Variants in CDH13 observed in about 807,000 individuals in gnomAD.
CDH13 encodes the protein cadherin 13.
CDH13 carries 24 observed loss-of-function variants against 63.8 expected under a neutral mutation model. That is an observed-to-expected ratio of 0.38 (90% CI 0.27 to 0.53). The LOEUF (loss-of-function observed/expected upper bound fraction) is 0.53. Among genes scored for constraint, CDH13 ranks in the 20% least tolerant of loss-of-function variants. The pLI, the probability that CDH13 is intolerant of heterozygous loss-of-function variation, is 0.85. For missense variants in CDH13, 1,049 were observed against 903.1 expected (o/e 1.16, Z -2.07); for synonymous variants, 503 against 355.3 (o/e 1.42, Z -4.67).
chr16:83,661,632 G>A (rs1208018435), intron 8 of CDH13, among the ~76,000 whole-genome samples: 7 of 152,222 alleles, frequency 4.6e-5, no homozygotes, highest in African/African-American at 9.6e-5. Context: ...CCTCTTCTCC[G>A]TGAAAATGCA....
Position 83,014,594 on chromosome 16 carries a change from G to A in CDH13, c.158-17416G>A, listed in dbSNP as rs546701568. Among the ~76,000 whole-genome samples the A allele has an allele frequency of 4.6e-5, 7 of 150,540 alleles. No individual in the cohort carries two copies. In the East Asian group the frequency reaches 1.2e-3, roughly 25 times the overall value. On this transcript the variant is annotated intron_variant, in intron 2 of 13. Coordinates refer to ENST00000567109, the MANE Select transcript of CDH13 (RefSeq NM_001257.5). Reference sequence around the variant, plus strand: ...ACTAAAAATAAAAAATTAGCCGAGTGGTGGCCCATGCCTGTAATTCTAGCT... The same window carrying A: ...ACTAAAAATAAAAAATTAGCCGAGTAGTGGCCCATGCCTGTAATTCTAGCT...
At chr16:83,332,313 T>C (rs2090497745) in intron 5 of CDH13, among the ~76,000 whole-genome samples, 1 of 152,136 alleles carries the variant, frequency 6.6e-6, no homozygotes, top group Non-Finnish European at 1.5e-5. Flanking sequence ...ACTTAAATAT[T>C]CAATGACTTT....
chr16:83,413,278 C>T (rs976752818), intron 6 of CDH13, among the ~76,000 whole-genome samples: 2 of 152,182 alleles, frequency 1.3e-5, no homozygotes, highest in Non-Finnish European at 2.9e-5. Flanking sequence ...CATAAAATAG[C>T]TTCAAATCTC....
chr16:83,109,553 C>A (rs57154009), intron 3 of CDH13, among the ~76,000 whole-genome samples: 1 of 152,000 alleles, frequency 6.6e-6, no homozygotes, highest in African/African-American at 2.4e-5. Context: ...TTTCCAAGTG[C>A]GGGTTTTCTA....
intron 11 of CDH13, among the ~76,000 whole-genome samples, chr16:83,762,832 C>T (rs1414751047): frequency 1.3e-5 from 2 of 152,150 alleles, no homozygotes; most frequent in African/African-American, 4.8e-5. Context: ...GGCTCTTATG[C>T]TCTCACAGAA....
chr16:82,968,306 C>G, intron 2 of CDH13, among the ~76,000 whole-genome samples: 1 of 152,196 alleles, frequency 6.6e-6, no homozygotes, highest in East Asian at 1.9e-4. Flanking sequence ...CACCTTCCAC[C>G]TTCATGTCCT....
In CDH13 at chr16:82,837,962, TCG is replaced by T. The variant is rs1417922864; in HGVS notation, c.46-20399_46-20398del. On this transcript the variant is annotated intron_variant, in intron 1 of 13. Coordinates refer to ENST00000567109, the MANE Select transcript of CDH13 (RefSeq NM_001257.5). ...CCAACATTGCAGTCTGCAATCTGCTTCGTAACTCTTTTCTGCCCAGGACTAGA... is the reference window on the plus strand; with the variant it reads ...CCAACATTGCAGTCTGCAATCTGCTTTAACTCTTTTCTGCCCAGGACTAGA... Among the ~76,000 whole-genome samples the T allele has an allele frequency of 3.3e-5, 5 of 152,308 alleles. No homozygotes were observed. The East Asian group carries it at 9.7e-4, about 29-fold the overall frequency.
At chr16:82,904,256 G>C (rs1288975932) in intron 2 of CDH13, among the ~76,000 whole-genome samples, 1 of 152,102 alleles carries the variant, frequency 6.6e-6, no homozygotes, top group Non-Finnish European at 1.5e-5. Context: ...TAACCGATAT[G>C]CCTCAGGTCT....
chr16:82,627,809 G>T (rs1907522805), intron 1 of CDH13, among the ~76,000 whole-genome samples: 1 of 152,190 alleles, frequency 6.6e-6, no homozygotes, highest in Non-Finnish European at 1.5e-5. Flanking sequence ...CGTGTCCCCC[G>T]CCAGGGCGCA....
chr16:83,091,421 C>G (rs2033903441), intron 3 of CDH13, among the ~76,000 whole-genome samples: 1 of 152,208 alleles, frequency 6.6e-6, no homozygotes, highest in East Asian at 1.9e-4. Flanking sequence ...TGTTGCCATT[C>G]TCTATGAAAA....
chr16:83,036,154 T>A lies in CDH13; in HGVS notation c.366+3936T>A, dbSNP rs1195319465. On this transcript the variant is annotated intron_variant, in intron 3 of 13. Transcript: ENST00000567109. ...TCTGGAGCTCTCCTCTTTTTTTTTT[T>A]TTTTTTTTTTTTGAGATAGGGTCTC... 2.7e-5 allele frequency among the ~76,000 whole-genome samples: 4 copies of A among 148,630 alleles called. No homozygotes were observed. In the East Asian group the frequency reaches 7.9e-4, roughly 29 times the overall value.
chr16:83,545,779 TC>T lies in CDH13; in HGVS notation c.961-56673del, dbSNP rs1248541306. 2.0e-5 allele frequency among the ~76,000 whole-genome samples: 3 copies of T among 152,154 alleles called. No individual in the cohort carries two copies. In the East Asian group the frequency reaches 5.8e-4, roughly 29 times the overall value. On this transcript the variant is annotated intron_variant, in intron 7 of 13. Transcript: ENST00000567109. The stretch of plus-strand genomic sequence containing the variant: ...CCCACCCTTTATCTGCCAGGCTAAG[TC>T]CAACTCCTACTTCAAGACCGCATTC...
At chr16:83,508,147 G>GAGGGT (rs1408523174) in intron 7 of CDH13, among the ~76,000 whole-genome samples, 1 of 124,656 alleles carries the variant, frequency 8.0e-6, no homozygotes, top group African/African-American at 3.0e-5. Flanking sequence ...AAGGGGAGGG[G>GAGGGT]AGGGGAGGCG....
chr16:83,330,091 A>G (rs1458253422), intron 5 of CDH13, among the ~76,000 whole-genome samples: 1 of 152,248 alleles, frequency 6.6e-6, no homozygotes, highest in Non-Finnish European at 1.5e-5. Flanking sequence ...CTTCAAATAG[A>G]AGAGATTCTT....
At chr16:83,432,888 G>A (rs1014422489) in intron 6 of CDH13, among the ~76,000 whole-genome samples, 2 of 152,188 alleles carry the variant, frequency 1.3e-5, no homozygotes, top group Non-Finnish European at 2.9e-5. Context: ...AACTTGCATG[G>A]TCCTGTTTGA....
intron 4 of CDH13, among the ~76,000 whole-genome samples, chr16:83,150,117 A>G (rs2036912077): frequency 6.6e-6 from 1 of 152,108 alleles, no homozygotes; most frequent in South Asian, 2.1e-4. Context: ...TGTTTACTTC[A>G]CCCTGAGTCA....
intron 1 of CDH13, among the ~76,000 whole-genome samples, chr16:82,674,727 T>C (rs1913697923): frequency 6.6e-6 from 1 of 152,178 alleles, no homozygotes; most frequent in Admixed American, 6.5e-5. Context: ...ACTTTGTGGA[T>C]GTTTGAGGTG....
At position 82,664,019 on chromosome 16, in the gene CDH13, C is replaced by A. The variant is rs1049486229; in HGVS notation, c.45+36882C>A. Among the ~76,000 whole-genome samples, 8 of 152,294 alleles carry A rather than the reference C, an allele frequency of 5.3e-5. 1 individual carries two copies. The South Asian group carries it at 1.7e-3, about 32-fold the overall frequency. The stretch of plus-strand genomic sequence containing the variant: ...CCACTTCTGCCTTTGTAGCTGTGGA[C>A]CACGAGGCAGTGACTTTGAAATTCA... On this transcript the variant is annotated intron_variant, in intron 1 of 13. Coordinates refer to ENST00000567109, the MANE Select transcript of CDH13 (RefSeq NM_001257.5).
chr16:83,450,409 G>T (rs940907806), intron 6 of CDH13, among the ~76,000 whole-genome samples: 1 of 152,228 alleles, frequency 6.6e-6, no homozygotes, highest in Non-Finnish European at 1.5e-5. Context: ...GGGTGGTGTT[G>T]TGGGGGACAA....
Sources: gnomAD v4.1 joint callset for allele counts (sites outside exome capture counted in the v4.1 genomes callset) on GRCh38, gnomAD v4.1.1 for gene constraint, MANE v1.5 for transcripts, NCBI Gene and HGNC (gene_info 2026-07-23, HGNC 2026-07-21) for gene names.